ATP9B: variants seen among roughly 807,000 people sequenced by gnomAD.
The protein encoded by ATP9B is ATPase phospholipid transporting 9B, also known as probable phospholipid-transporting ATPase IIB.
ATP9B carries 110 observed loss-of-function variants against 146.1 expected under a neutral mutation model. The ratio of observed to expected loss-of-function variants is 0.75; its 90% confidence interval spans 0.65 to 0.88. The LOEUF (loss-of-function observed/expected upper bound fraction) is 0.88, where lower values mean the gene tolerates loss of function less well. Ranked by LOEUF, ATP9B falls within the 40% of genes least tolerant of loss-of-function variation. The probability of loss-of-function intolerance (pLI) is 0.00; values close to 1 mark genes in which losing one functional copy is unlikely to be tolerated. For missense variants in ATP9B, 1,499 were observed against 1,496.4 expected (o/e 1.00, Z -0.03); for synonymous variants, 604 against 569.7 (o/e 1.06, Z -0.86).
chr18:79,351,249 T>C (rs1175913105), intron 25 of ATP9B, among the ~76,000 whole-genome samples: 2 of 152,240 alleles, frequency 1.3e-5, no homozygotes, highest in African/African-American at 4.8e-5. Flanking sequence ...TGGAGATTAT[T>C]CTTTAAAGAA....
chr18:79,226,668 A>G (rs1180259055), intron 11 of ATP9B, among the ~76,000 whole-genome samples: 2 of 152,330 alleles, frequency 1.3e-5, no homozygotes, highest in South Asian at 4.1e-4. Flanking sequence ...GCTCACCCGC[A>G]GTAGATGGGG....
At chr18:79,130,907 T>G (rs2094367533) in intron 5 of ATP9B, among the ~76,000 whole-genome samples, 1 of 152,232 alleles carries the variant, frequency 6.6e-6, no homozygotes, top group Non-Finnish European at 1.5e-5. Context: ...ATGCCTGTAA[T>G]CTCAGCACTT....
At position 79,193,245 on chromosome 18, in the gene ATP9B, C is replaced by G. The variant is rs752430927; in HGVS notation, c.936C>G (p.Phe312Leu). 3 of 1,609,990 alleles carry G rather than the reference C, an allele frequency of 1.9e-6. No individual in the cohort carries two copies. The Admixed American group carries it at 5.0e-5, about 27-fold the overall frequency. Residue 312 changes from phenylalanine (F) to leucine (L), a missense_variant, in exon 9 of 30, where the codon TTC (phenylalanine) becomes TTG (leucine). Transcript: ENST00000426216. ...AQKPQMDIHSFEGTFTREDSD... is the reference protein window; with the variant it reads ...AQKPQMDIHSLEGTFTREDSD... ...AACCACAAATGGACATTCACAGTTT[C>G]GAAGGCACATTTACCAGGGTAAGTT... is the stretch of plus-strand genomic sequence containing the variant.
At chr18:79,329,093 G>A (rs1160436054) in intron 15 of ATP9B, 48 bp from the exon 16 acceptor site, 8 of 1,462,524 alleles carry the variant, frequency 5.5e-6, no homozygotes, top group East Asian at 5.2e-5. Flanking sequence ...GCCTGCGTGC[G>A]GCTTTCCTGA....
At chr18:79,337,979 C>T (rs2096836934) in intron 19 of ATP9B, among the ~76,000 whole-genome samples, 1 of 152,150 alleles carries the variant, frequency 6.6e-6, no homozygotes. Context: ...GCACAGGGTA[C>T]GTCCATTGTG....
intron 14 of ATP9B, among the ~76,000 whole-genome samples, chr18:79,304,237 C>T (rs1479788681): frequency 6.6e-6 from 1 of 152,124 alleles, no homozygotes; most frequent in East Asian, 1.9e-4. Flanking sequence ...TGACATGAAG[C>T]TCAAATATCA....
At chr18:79,085,200 T>G (rs190197096) in intron 1 of ATP9B, 2 of 152,070 alleles carry the variant, frequency 1.3e-5, no homozygotes, top group Non-Finnish European at 2.9e-5. Flanking sequence ...CAACCAGATC[T>G]CACGTGAACT....
At chr18:79,258,596 G>A (rs1286097179) in intron 12 of ATP9B, among the ~76,000 whole-genome samples, 1 of 152,208 alleles carries the variant, frequency 6.6e-6, no homozygotes, top group Non-Finnish European at 1.5e-5. Flanking sequence ...TGAAGTCTGT[G>A]TATCCTTTTC....
chr18:79,104,116 C>T (rs183706623), intron 2 of ATP9B, among the ~76,000 whole-genome samples: 23 of 152,244 alleles, frequency 1.5e-4, no homozygotes, highest in Admixed American at 1.1e-3. Context: ...GATAAGGACG[C>T]GTGGCCCGAA....
intron 13 of ATP9B, among the ~76,000 whole-genome samples, chr18:79,301,740 G>A (rs1215879973): frequency 2.0e-5 from 3 of 152,196 alleles, no homozygotes; most frequent in Non-Finnish European, 4.4e-5. Flanking sequence ...GTTTAAAGGT[G>A]CTTCATAAAA....
intron 16 of ATP9B, 28 bp from the exon 17 acceptor site, chr18:79,329,984 G>A: frequency 2.5e-6 from 4 of 1,605,678 alleles, no homozygotes; most frequent in Non-Finnish European, 3.4e-6. Context: ...GCCTAAATGT[G>A]CCTCTGTTTA....
intron 7 of ATP9B, among the ~76,000 whole-genome samples, chr18:79,176,003 CCTTA>C (rs1386054164): frequency 6.6e-6 from 1 of 152,168 alleles, no homozygotes; most frequent in Non-Finnish European, 1.5e-5. Flanking sequence ...ATGTCCTGCA[CCTTA>C]CTTTCTTTAT....
chr18:79,259,814 C>T (rs770576581), intron 12 of ATP9B, among the ~76,000 whole-genome samples: 1 of 152,196 alleles, frequency 6.6e-6, no homozygotes, highest in Non-Finnish European at 1.5e-5. Context: ...GGTTACTTTT[C>T]GGTTAGGTAC....
At position 79,361,884 on chromosome 18, in the gene ATP9B, G is replaced by A. The variant is rs1451777963; in HGVS notation, c.3012+2422G>A. On this transcript the variant is annotated intron_variant, in intron 26 of 29. Transcript: ENST00000426216. ...CCAGTCCGTCGGCTCAAGCTCCTGC[G>A]ATGTAGGACAACATAGCCCTGCTCT... The A allele has an allele frequency of 6.5e-6, 5 of 767,830 alleles. No individual in the cohort carries two copies. The African/African-American group carries it at 7.5e-5, about 12-fold the overall frequency. The allele number at this position is 767,830 out of a possible 1,614,324, so 47.6% of individuals were successfully genotyped here. A position where few individuals can be genotyped will look rare whatever the true frequency, so the allele number is the denominator to read the frequency against.
intron 15 of ATP9B, among the ~76,000 whole-genome samples, chr18:79,327,584 G>C (rs371264182): frequency 1.7e-4 from 22 of 133,328 alleles, no homozygotes; most frequent in African/African-American, 5.6e-4. Context: ...CGTGCTCTCC[G>C]TGGTTAACGT....
chr18:79,131,694 G>A (rs894796215), intron 5 of ATP9B, among the ~76,000 whole-genome samples: 1 of 152,162 alleles, frequency 6.6e-6, no homozygotes, highest in Non-Finnish European at 1.5e-5. Flanking sequence ...ATAGCCAAAG[G>A]GTGATAATAG....
intron 11 of ATP9B, among the ~76,000 whole-genome samples, chr18:79,230,158 C>T (rs180728798): frequency 1.4e-4 from 21 of 152,130 alleles, no homozygotes; most frequent in Non-Finnish European, 3.1e-4. Flanking sequence ...GTATTAACAC[C>T]GTAATATTAG....
intron 20 of ATP9B, 123 bp from the exon 21 acceptor site, chr18:79,344,142 C>T (rs1184704746): frequency 6.7e-6 from 6 of 894,254 alleles, no homozygotes; most frequent in Middle Eastern, 4.2e-4. Context: ...TACTAAAGCT[C>T]CTTTGGTTTT....
At chr18:79,159,443 A>G (rs979908614) in intron 7 of ATP9B, among the ~76,000 whole-genome samples, 1 of 152,052 alleles carries the variant, frequency 6.6e-6, no homozygotes, top group African/African-American at 2.4e-5. Context: ...CAAGCATCTG[A>G]CTGCAGCTCT....
Sources: allele counts gnomAD v4.1 joint callset (sites outside exome capture counted in the v4.1 genomes callset), GRCh38; gene constraint gnomAD v4.1.1; transcripts MANE v1.5; gene names NCBI Gene and HGNC (gene_info 2026-07-23, HGNC 2026-07-21).